The following ZNF469 variants were observed in gnomAD, a reference collection of about 807,000 sequenced individuals.
ZNF469 encodes the protein zinc finger protein 469.
ZNF469 carries 1 observed loss-of-function variant against 1.0 expected under a neutral mutation model. The ratio of observed to expected loss-of-function variants is 1.00; its 90% CI spans 0.35 to 4.73. ZNF469 has a LOEUF of 4.73. Among genes scored for constraint, ZNF469 ranks in the 30% most tolerant of loss-of-function variants. The pLI is 0.16. For synonymous variants in ZNF469, 2,703 were observed against 2,363.4 expected (o/e 1.14, Z -4.17); for missense variants, 6,100 against 5,356.3 (o/e 1.14, Z -4.33).
At chr16:88,109,204 G>T in the ZNF469 span, among the ~76,000 whole-genome samples, 1 of 152,132 alleles carries the variant, frequency 6.6e-6, no homozygotes, top group Non-Finnish European at 1.5e-5. Context: ...TTCCATTCAG[G>T]ACACCCACAG....
chr16:88,386,262 T>C (rs1353747806), intron 1 of ZNF469, among the ~76,000 whole-genome samples: 1 of 152,096 alleles, frequency 6.6e-6, no homozygotes, highest in Non-Finnish European at 1.5e-5. Context: ...GTGGCCATGC[T>C]CGGGTCCTGC....
Position 88,428,510 on chromosome 16 carries a change from G to T in ZNF469, c.1040G>T (p.Arg347Leu). The change falls in exon 3 of 3, where the codon CGC becomes CTC. Residue 347 changes from arginine (R) to leucine (L), a missense_variant. Physicochemically the swap from Arg to Leu is moderately radical, Grantham distance 102. Transcript: ENST00000565624. Reference sequence around the variant, plus strand: ...CAGGGCCAGCCAGGTGGCCTGAACCGCCACAGCGACCTCAGTGGTGCCCTC... The same window carrying T: ...CAGGGCCAGCCAGGTGGCCTGAACCTCCACAGCGACCTCAGTGGTGCCCTC... ...CYQGQPGGLN[R>L]HSDLSGALSS... The T allele has an allele frequency of 8.4e-6, 13 of 1,549,778 alleles. No individual in the cohort carries two copies. Among genetic ancestry groups the T allele is most frequent in the Middle Eastern group, 1.7e-4 (1 of 5,992 alleles).
the ZNF469 span, among the ~76,000 whole-genome samples, chr16:88,140,044 G>C: frequency 1.3e-5 from 2 of 152,230 alleles, no homozygotes; most frequent in African/African-American, 4.8e-5. Flanking sequence ...AGTGAACACA[G>C]AATCAGCACT....
the ZNF469 span, among the ~76,000 whole-genome samples, chr16:88,169,618 T>C: frequency 8.5e-5 from 13 of 152,324 alleles, no homozygotes; most frequent in African/African-American, 2.9e-4. This position sits in a 1 kb window ranked among gnomAD's most constrained non-coding sequence, Gnocchi z 6.1. Context: ...CGAAGGACGT[T>C]TGGGCTGATT....
At chr16:88,157,179 C>A in the ZNF469 span, among the ~76,000 whole-genome samples, 1 of 151,740 alleles carries the variant, frequency 6.6e-6, no homozygotes, top group Non-Finnish European at 1.5e-5. Context: ...GAGGGACATG[C>A]GCTTGTTGCT....
the ZNF469 span, among the ~76,000 whole-genome samples, chr16:88,153,037 G>T: frequency 1.3e-5 from 2 of 152,154 alleles, no homozygotes; most frequent in South Asian, 2.1e-4. Context: ...GCACTGTATG[G>T]GGGGTGGCGC....
the ZNF469 span, among the ~76,000 whole-genome samples, chr16:88,140,708 G>T: frequency 2.0e-5 from 3 of 152,198 alleles, no homozygotes; most frequent in African/African-American, 7.2e-5. Context: ...GAGGTGGGTG[G>T]ATCATTTGAG....
rs550573015 is a variant in ZNF469, at chr16:88,427,446, G to A, written c.-25G>A. The A allele has an allele frequency of 2.0e-5, 29 of 1,467,046 alleles. No homozygotes were observed. Among genetic ancestry groups the A allele is most frequent in the South Asian group, 4.1e-5 (3 of 73,864 alleles). The allele number at this position is 1,467,046 out of a possible 1,614,324, so 90.9% of individuals were successfully genotyped here. A position where few individuals can be genotyped will look rare whatever the true frequency, so the allele number is the denominator to read the frequency against. On this transcript the variant is annotated 5_prime_UTR_variant, in exon 3 of 3. Coordinates refer to ENST00000565624, the MANE Select transcript of ZNF469 (RefSeq NM_001367624.2). The stretch of plus-strand genomic sequence containing the variant: ...AGGGCCCCCCTCGGACAGCTGCGTC[G>A]TCCTAGCGCCAGGACGGAGGGGCCA...
At chr16:88,391,356 A>G (rs1904486795) in intron 1 of ZNF469, among the ~76,000 whole-genome samples, 1 of 152,276 alleles carries the variant, frequency 6.6e-6, no homozygotes, top group African/African-American at 2.4e-5. Flanking sequence ...CAGTTGCTCC[A>G]TGTGACTGTG....
intron 1 of ZNF469, among the ~76,000 whole-genome samples, chr16:88,416,334 G>A (rs528951365): frequency 1.3e-5 from 2 of 152,282 alleles, no homozygotes; most frequent in East Asian, 3.9e-4. Context: ...GTGGCTGCTC[G>A]AAGTTCACTT....
chr16:88,258,448 G>A, the ZNF469 span, among the ~76,000 whole-genome samples: 3 of 104,430 alleles, frequency 2.9e-5, no homozygotes, highest in Non-Finnish European at 3.7e-5. Flanking sequence ...CTACATTGCC[G>A]ATGGCCTTCT....
At chr16:88,236,532 G>T in the ZNF469 span, among the ~76,000 whole-genome samples, 1 of 152,212 alleles carries the variant, frequency 6.6e-6, no homozygotes, top group Admixed American at 6.5e-5. Context: ...AATCCTCTTG[G>T]CTGAGAAGAG....
the ZNF469 span, among the ~76,000 whole-genome samples, chr16:88,166,279 C>T: frequency 2.1e-4 from 32 of 152,260 alleles, no homozygotes; most frequent in African/African-American, 7.5e-4. This position sits in a 1 kb window ranked among gnomAD's most constrained non-coding sequence, Gnocchi z 4.5. Flanking sequence ...CCATTCCTCC[C>T]TCCCTCCCTC....
At chr16:88,281,539 G>C in the ZNF469 span, among the ~76,000 whole-genome samples, 4 of 147,552 alleles carry the variant, frequency 2.7e-5, no homozygotes, top group Admixed American at 2.7e-4. Flanking sequence ...CTGTGCCGAT[G>C]TTGGCTCACA....
chr16:88,231,795 C>G, the ZNF469 span, among the ~76,000 whole-genome samples: 3 of 152,208 alleles, frequency 2.0e-5, no homozygotes, highest in Non-Finnish European at 4.4e-5. The surrounding 1 kb of genome is among the most constrained non-coding windows in gnomAD (Gnocchi z 4.5). Context: ...CCTTCACTTA[C>G]TCACCTGCTC....
At chr16:88,206,811 T>C in the ZNF469 span, among the ~76,000 whole-genome samples, 65,854 of 71,814 alleles carry the variant, frequency 0.92, 30,489 homozygotes, top group East Asian at 0.99. Flanking sequence ...GGGGAGGCCG[T>C]GGGGACGGAG....
At chr16:88,310,108 T>G in the ZNF469 span, among the ~76,000 whole-genome samples, 1 of 151,508 alleles carries the variant, frequency 6.6e-6, no homozygotes, top group African/African-American at 2.4e-5. Context: ...AGTGGTGCAG[T>G]GGGGGCAGGG....
chr16:88,216,720 T>C, the ZNF469 span, among the ~76,000 whole-genome samples: 1 of 152,336 alleles, frequency 6.6e-6, no homozygotes, highest in Middle Eastern at 3.4e-3. Context: ...TTTCAAATAT[T>C]GCTGCCTTTT....
the ZNF469 span, among the ~76,000 whole-genome samples, chr16:88,145,542 G>A: frequency 6.6e-6 from 1 of 152,266 alleles, no homozygotes; most frequent in Non-Finnish European, 1.5e-5. Context: ...AGAGGTGCCT[G>A]CGATGGGCCC....
Sources: gnomAD v4.1 joint callset for allele counts (sites outside exome capture counted in the v4.1 genomes callset) on GRCh38, gnomAD v4.1.1 for gene constraint, Gnocchi (gnomAD v3.1) non-coding constraint, MANE v1.5 for transcripts, NCBI Gene and HGNC (gene_info 2026-07-23, HGNC 2026-07-21) for gene names.